The following KAT2B variants were observed in gnomAD, a reference collection of about 807,000 sequenced individuals.
The protein encoded by KAT2B is histone acetyltransferase KAT2B.
KAT2B carries 36 observed loss-of-function variants against 105.9 expected under a neutral mutation model. That is an observed-to-expected ratio of 0.34 (90% CI 0.26 to 0.45). The LOEUF (loss-of-function observed/expected upper bound fraction) is 0.45, where lower values mean the gene tolerates loss of function less well. KAT2B is among the 20% of genes least tolerant of loss of function. KAT2B has a pLI of 1.00. For synonymous variants in KAT2B, 397 were observed against 377.9 expected, an observed-to-expected ratio of 1.05 and a Z score of -0.59; for missense variants, 820 against 1,021.6, an observed-to-expected ratio of 0.80 and a Z score of 2.69.
At chr3:20,060,928 G>A (rs934481118) in intron 1 of KAT2B, among the ~76,000 whole-genome samples, 1 of 151,454 alleles carries the variant, frequency 6.6e-6, no homozygotes, top group African/African-American at 2.4e-5. Context: ...GCAACAGAGT[G>A]AGACCCTGTC....
Position 20,146,274 on chromosome 3 carries a change from A to T in KAT2B, c.2005-42A>T, listed in dbSNP as rs1395747167. ...GTTGACTGACTTGAACTGTATCCAT[A>T]GACTTCTTTCCCTAAACACATTTCC... On this transcript the variant is annotated intron_variant, in intron 13 of 17. Coordinates refer to ENST00000263754, the MANE Select transcript of KAT2B (RefSeq NM_003884.5). 3 of 1,139,776 alleles carry T rather than the reference A, an allele frequency of 2.6e-6. No individual in the cohort carries two copies. In the Admixed American group the frequency reaches 5.2e-5, roughly 20 times the overall value. 70.6% of individuals were successfully genotyped at this position (1,139,776 alleles called of 1,614,324 possible). A position where few individuals can be genotyped will look rare whatever the true frequency, so the allele number is the denominator to read the frequency against.
chr3:20,124,042 T>C (rs1467729602), intron 9 of KAT2B, among the ~76,000 whole-genome samples: 4 of 152,200 alleles, frequency 2.6e-5, no homozygotes, highest in African/African-American at 9.7e-5. Flanking sequence ...TTTATGACAT[T>C]GAGGATACTT....
At chr3:20,105,872 T>G (rs1698993134) in intron 5 of KAT2B, among the ~76,000 whole-genome samples, 1 of 152,094 alleles carries the variant, frequency 6.6e-6, no homozygotes, top group Non-Finnish European at 1.5e-5. Context: ...TAACTTGTTT[T>G]TGGGAAACAG....
chr3:20,068,732 A>G (rs890204109), intron 1 of KAT2B, among the ~76,000 whole-genome samples: 3 of 152,196 alleles, frequency 2.0e-5, no homozygotes, highest in African/African-American at 4.8e-5. Context: ...GTCAGTGTGC[A>G]TAACTGCTTG....
intron 10 of KAT2B, among the ~76,000 whole-genome samples, chr3:20,126,992 A>G (rs894600962): frequency 2.0e-5 from 3 of 152,136 alleles, no homozygotes; most frequent in Non-Finnish European, 4.4e-5. Context: ...AATTTTGCAA[A>G]TTGTATATGT....
chr3:20,111,807 G>C lies in KAT2B; in HGVS notation c.1043+20G>C, dbSNP rs1473120743. The stretch of plus-strand genomic sequence containing the variant: ...CCCAAAGTAAGGGAGAGTTTTTGCT[G>C]GTCTTTGTTTGATCCCAGAGCTTGA... On this transcript the variant is annotated intron_variant, in intron 6 of 17. Transcript: ENST00000263754. 1 of 1,597,744 alleles carries C rather than the reference G, an allele frequency of 6.3e-7. No homozygotes were observed.
At chr3:20,139,422 A>G (rs1356605329) in intron 12 of KAT2B, among the ~76,000 whole-genome samples, 1 of 152,164 alleles carries the variant, frequency 6.6e-6, no homozygotes, top group Non-Finnish European at 1.5e-5. Flanking sequence ...AGTGCAAAGC[A>G]TAAGATCTCA....
chr3:20,078,693 G>GTA (rs757285187), intron 2 of KAT2B, among the ~76,000 whole-genome samples: 2 of 151,496 alleles, frequency 1.3e-5, no homozygotes, highest in Admixed American at 6.6e-5. Context: ...TGATATATGT[G>GTA]TATATATATG....
intron 1 of KAT2B, among the ~76,000 whole-genome samples, chr3:20,041,689 A>ACTTGGC (rs1248315336): frequency 6.6e-6 from 1 of 152,026 alleles, no homozygotes; most frequent in African/African-American, 2.4e-5. Context: ...GGGGGCGGGG[A>ACTTGGC]CTTGGCCTTG....
At chr3:20,111,500 T>C in intron 5 of KAT2B, 96 bp from the exon 6 acceptor site, 1 of 1,025,374 alleles carries the variant, frequency 9.8e-7, no homozygotes, top group Non-Finnish European at 1.4e-6. Context: ...AGTTTTTTTC[T>C]GCTATAGTTA....
intron 2 of KAT2B, among the ~76,000 whole-genome samples, chr3:20,089,044 G>A (rs1264774111): frequency 6.6e-6 from 1 of 152,128 alleles, no homozygotes; most frequent in African/African-American, 2.4e-5. Context: ...ACTGTAAATG[G>A]ATAGATTTCT....
At chr3:20,150,532 T>A (rs1032185232) in intron 17 of KAT2B, among the ~76,000 whole-genome samples, 1 of 152,182 alleles carries the variant, frequency 6.6e-6, no homozygotes, top group African/African-American at 2.4e-5. Context: ...TTACCCAGAA[T>A]TCCCAAGTTA....
rs959323366 is a variant in KAT2B, at chr3:20,064,871, A to G, written c.304-7462A>G. ...GTTTTCCAACAAATGCGACTTTCCA[A>G]TATTTTAAGCATGACAGAATTTTGC... is the stretch of plus-strand genomic sequence containing the variant. On this transcript the variant is annotated intron_variant, in intron 1 of 17. Coordinates refer to ENST00000263754, the MANE Select transcript of KAT2B (RefSeq NM_003884.5). Among the ~76,000 whole-genome samples, 4 of 152,202 alleles carry G rather than the reference A, an allele frequency of 2.6e-5. No individual in the cohort carries two copies. The South Asian group carries it at 6.2e-4, about 24-fold the overall frequency.
chr3:20,092,758 C>T (rs779324378), intron 2 of KAT2B, among the ~76,000 whole-genome samples: 3 of 151,760 alleles, frequency 2.0e-5, no homozygotes, highest in Non-Finnish European at 4.4e-5. Flanking sequence ...CTGGAGTGCA[C>T]TGGTGTGATG....
At chr3:20,052,751 TGAGGTCGG>T (rs1424208697) in intron 1 of KAT2B, among the ~76,000 whole-genome samples, 2 of 151,892 alleles carry the variant, frequency 1.3e-5, no homozygotes, top group African/African-American at 4.8e-5. Flanking sequence ...TCACATCACC[TGAGGTCGG>T]GAGTTTGAGA....
chr3:20,056,686 A>C (rs1230039677), intron 1 of KAT2B, among the ~76,000 whole-genome samples: 1 of 152,222 alleles, frequency 6.6e-6, no homozygotes, highest in Non-Finnish European at 1.5e-5. Context: ...AGTTGATAGA[A>C]GGTCTTGAAT....
chr3:20,072,315 T>A lies in KAT2B; in HGVS notation c.304-18T>A. ...TGCCTGTTAAATAATTTTGTCTCTT[T>A]CTTTATTCCATTTTTAGGCCGAGGA... On this transcript the variant is annotated intron_variant, in intron 1 of 17. Coordinates refer to ENST00000263754, the MANE Select transcript of KAT2B (RefSeq NM_003884.5). The A allele has an allele frequency of 2.5e-6, 4 of 1,612,720 alleles. No individual in the cohort carries two copies. Among genetic ancestry groups the A allele is most frequent in the Non-Finnish European group, 3.4e-6 (4 of 1,178,776 alleles).
chr3:20,141,137 T>A (rs767045793), intron 13 of KAT2B, among the ~76,000 whole-genome samples: 8 of 152,182 alleles, frequency 5.3e-5, no homozygotes, highest in Non-Finnish European at 1.0e-4. Context: ...CTAGCACCAG[T>A]TTGATCCACC....
intron 7 of KAT2B, among the ~76,000 whole-genome samples, chr3:20,117,479 C>G (rs1199695289): frequency 6.6e-6 from 1 of 152,184 alleles, no homozygotes; most frequent in African/African-American, 2.4e-5. Context: ...CCAGAGCTTT[C>G]TCTTTGTTCA....
Sources: allele counts gnomAD v4.1 joint callset (sites outside exome capture counted in the v4.1 genomes callset), GRCh38; gene constraint gnomAD v4.1.1; transcripts MANE v1.5; gene names NCBI Gene and HGNC (gene_info 2026-07-23, HGNC 2026-07-21).